The following NWD2 variants were observed in gnomAD, a reference collection of about 807,000 sequenced individuals.
NWD2 encodes NACHT and WD repeat domain containing 2.
NWD2 carries 37 observed loss-of-function variants against 132.7 expected under a neutral mutation model. That is an observed-to-expected ratio of 0.28 (90% confidence interval 0.21 to 0.37). The LOEUF (loss-of-function observed/expected upper bound fraction) is 0.37, where lower values mean the gene tolerates loss of function less well. Among genes scored for constraint, NWD2 ranks in the 10% least tolerant of loss-of-function variants. The pLI is 1.00. For synonymous variants in NWD2, 705 were observed against 803.0 expected (o/e 0.88, Z 2.06); for missense variants, 1,592 against 2,122.4 (o/e 0.75, Z 4.91).
At chr4:37,433,206 G>C (rs1347753607) in intron 4 of NWD2, among the ~76,000 whole-genome samples, 4 of 152,148 alleles carry the variant, frequency 2.6e-5, no homozygotes, top group African/African-American at 9.7e-5. Flanking sequence ...AAGATGCCAG[G>C]AGTAAATATA....
At chr4:37,292,443 A>G (rs757624895) in intron 1 of NWD2, among the ~76,000 whole-genome samples, 2 of 152,078 alleles carry the variant, frequency 1.3e-5, no homozygotes, top group Non-Finnish European at 2.9e-5. Flanking sequence ...ACCTCATCAG[A>G]TACCAAATCT....
At chr4:37,286,320 A>G (rs1241040897) in intron 1 of NWD2, among the ~76,000 whole-genome samples, 9 of 152,214 alleles carry the variant, frequency 5.9e-5, no homozygotes, top group Non-Finnish European at 1.3e-4. Context: ...CATCCAAATT[A>G]CACTTGTGCT....
intron 1 of NWD2, among the ~76,000 whole-genome samples, chr4:37,277,207 A>G (rs1054622280): frequency 4.6e-5 from 7 of 150,710 alleles, no homozygotes; most frequent in Non-Finnish European, 8.9e-5. Flanking sequence ...CTTTGTGTTT[A>G]GAGTTTTCTG....
Position 37,244,802 on chromosome 4 carries a change from C to T in NWD2, c.-266C>T, listed in dbSNP as rs1382773559. The T allele has an allele frequency of 9.2e-6, 4 of 435,168 alleles. No homozygotes were observed. The highest frequency in any genetic ancestry group is 1.6e-5 in the Non-Finnish European group (4 of 245,870). 27.0% of individuals were successfully genotyped at this position (435,168 alleles called of 1,614,324 possible). ...GACCTCCCGCTCCAGCTGGCTGCTG[C>T]TCGGAGCCCTAGCAGCGGGCGAAGG... On this transcript the variant is annotated 5_prime_UTR_variant, in exon 1 of 7. Transcript: ENST00000309447. The surrounding 1 kb of genome is among the most constrained non-coding windows in gnomAD (Gnocchi z 5.5).
At chr4:37,379,325 C>T (rs1306878695) in intron 3 of NWD2, among the ~76,000 whole-genome samples, 7 of 151,976 alleles carry the variant, frequency 4.6e-5, no homozygotes, top group Admixed American at 6.6e-5. Flanking sequence ...CCATTTAGTC[C>T]GTCCAACAGA....
intron 1 of NWD2, among the ~76,000 whole-genome samples, chr4:37,288,957 T>A (rs1452879690): frequency 6.8e-6 from 1 of 147,104 alleles, no homozygotes; most frequent in Non-Finnish European, 1.5e-5. Context: ...TGCCTATAAC[T>A]GACTATAAAA....
chr4:37,274,258 G>A (rs1452214570), intron 1 of NWD2, among the ~76,000 whole-genome samples: 4 of 151,914 alleles, frequency 2.6e-5, no homozygotes, highest in Non-Finnish European at 4.4e-5. Flanking sequence ...TATCACCACC[G>A]ATCCCACAGA....
chr4:37,372,238 A>T (rs1287158986), intron 3 of NWD2, among the ~76,000 whole-genome samples: 1 of 152,238 alleles, frequency 6.6e-6, no homozygotes, highest in Non-Finnish European at 1.5e-5. Context: ...ATATAAATAT[A>T]TAAAACATAA....
At chr4:37,348,673 T>TACACACACACACACAC (rs1326646007) in intron 2 of NWD2, among the ~76,000 whole-genome samples, 1 of 28,210 alleles carries the variant, frequency 3.5e-5, no homozygotes, top group African/African-American at 1.4e-4. Flanking sequence ...TATATATATA[T>TACACACACACACACAC]ATACACACAC....
At chr4:37,288,810 T>C (rs1178038565) in intron 1 of NWD2, among the ~76,000 whole-genome samples, 4 of 152,138 alleles carry the variant, frequency 2.6e-5, no homozygotes, top group Non-Finnish European at 5.9e-5. Flanking sequence ...TCATTGTTTT[T>C]TGGTTTTTGT....
chr4:37,249,930 A>G (rs963818369), intron 1 of NWD2, among the ~76,000 whole-genome samples: 4 of 152,130 alleles, frequency 2.6e-5, no homozygotes, highest in Admixed American at 6.5e-5. Flanking sequence ...CTTTCCCTTT[A>G]TATGTGTACA....
intron 4 of NWD2, among the ~76,000 whole-genome samples, chr4:37,431,683 T>G (rs1481082829): frequency 6.6e-6 from 1 of 152,192 alleles, no homozygotes; most frequent in East Asian, 1.9e-4. Context: ...TTAGCTTGAT[T>G]GTGGTCACCA....
intron 1 of NWD2, among the ~76,000 whole-genome samples, chr4:37,285,354 C>A (rs549000033): frequency 2.0e-5 from 3 of 152,050 alleles, no homozygotes; most frequent in African/African-American, 7.2e-5. Context: ...GAAAACACTG[C>A]GGCTGCCAAA....
intron 1 of NWD2, among the ~76,000 whole-genome samples, chr4:37,256,492 T>C (rs530514728): frequency 6.6e-6 from 1 of 152,158 alleles, no homozygotes; most frequent in African/African-American, 2.4e-5. Flanking sequence ...AAAGAGTAGC[T>C]TCAGAAGAGA....
At chr4:37,314,476 T>G (rs1379721678) in intron 1 of NWD2, among the ~76,000 whole-genome samples, 1 of 152,220 alleles carries the variant, frequency 6.6e-6, no homozygotes, top group Non-Finnish European at 1.5e-5. Flanking sequence ...ATTATCTTTC[T>G]TCCTGAGTCA....
intron 1 of NWD2, among the ~76,000 whole-genome samples, chr4:37,299,525 T>C (rs1163161692): frequency 1.3e-5 from 2 of 152,156 alleles, no homozygotes; most frequent in South Asian, 2.1e-4. Context: ...CTGTCTAATA[T>C]TGAATAATTT....
At chr4:37,404,029 T>G (rs1375515016) in intron 3 of NWD2, among the ~76,000 whole-genome samples, 1 of 152,176 alleles carries the variant, frequency 6.6e-6, no homozygotes. Flanking sequence ...AGTCCCCACT[T>G]GAGCCACTCA....
chr4:37,291,103 G>A (rs1335929315), intron 1 of NWD2, among the ~76,000 whole-genome samples: 3 of 152,132 alleles, frequency 2.0e-5, no homozygotes, highest in African/African-American at 7.2e-5. Flanking sequence ...ATCAGCCCGG[G>A]ACATTCAGTG....
At chr4:37,280,266 A>T (rs1451158820) in intron 1 of NWD2, among the ~76,000 whole-genome samples, 2 of 152,364 alleles carry the variant, frequency 1.3e-5, no homozygotes, top group Non-Finnish European at 1.5e-5. Flanking sequence ...TGAGCTATAC[A>T]TATATTTAAG....
Sources: allele counts gnomAD v4.1 joint callset (sites outside exome capture counted in the v4.1 genomes callset), GRCh38; gene constraint gnomAD v4.1.1; non-coding constraint Gnocchi (gnomAD v3.1); transcripts MANE v1.5; gene names NCBI Gene and HGNC (gene_info 2026-07-23, HGNC 2026-07-21).